Variants in RBBP4 observed in about 807,000 individuals in gnomAD.
The protein encoded by RBBP4 is histone-binding protein RBBP4.
A neutral mutation model predicts 57.2 loss-of-function variants in RBBP4; 3 were observed. The observed-to-expected ratio is 0.05, with a 90% CI of 0.02 to 0.14. RBBP4 has a LOEUF of 0.14. RBBP4 is among the 10% of genes least tolerant of loss of function. The pLI, the probability that RBBP4 is intolerant of heterozygous loss-of-function variation, is 1.00. For missense variants in RBBP4, 107 were observed against 520.6 expected (o/e 0.21, Z 7.73); for synonymous variants, 151 against 171.5 (o/e 0.88, Z 0.93).
In RBBP4 at chr1:32,653,637, G is replaced by GTTTTTTTTTT. The variant is rs1053666893; in HGVS notation, c.164+1589_164+1598dup. On this transcript the variant is annotated intron_variant, in intron 2 of 11. Coordinates refer to ENST00000373493, the MANE Select transcript of RBBP4 (RefSeq NM_005610.3). ...TGCTTTGTGTGTTTTTTGTTTTCTG[G>GTTTTTTTTTT]TTTTTTTTTTTTTTTTTTTTTTGTT... 1.4e-4 allele frequency among the ~76,000 whole-genome samples: 3 copies of GTTTTTTTTTT among 20,776 alleles called. 1 individual carries two copies. The highest frequency in any genetic ancestry group is 5.2e-4 in the Non-Finnish European group (3 of 5,732). The allele number at this position is 20,776 out of a possible 152,430, so 13.6% of individuals were successfully genotyped here.
rs2148547282 is a variant in RBBP4, at chr1:32,686,060, T to C, written c.*6355T>C. ...CTAGTCACATAGGACTCATTTGAAA[T>C]ATGACTAGTCTCAATTGAGATGTAA... On this transcript the variant is annotated 3_prime_UTR_variant, in exon 12 of 12. Coordinates refer to ENST00000373493, the MANE Select transcript of RBBP4 (RefSeq NM_005610.3). 6.6e-6 allele frequency: 1 copy of C among 152,298 alleles called. No homozygotes were observed. Among genetic ancestry groups the C allele is most frequent in the Admixed American group, 6.5e-5 (1 of 15,288 alleles). 9.4% of individuals were successfully genotyped at this position (152,298 alleles called of 1,614,324 possible).
chr1:32,676,343 G>A (rs1335924763), intron 11 of RBBP4, among the ~76,000 whole-genome samples: 1 of 152,066 alleles, frequency 6.6e-6, no homozygotes, highest in Non-Finnish European at 1.5e-5. Flanking sequence ...GGTGGCTCAC[G>A]CCTGTAATTC....
At chr1:32,670,400 A>G (rs1273772306) in intron 8 of RBBP4, among the ~76,000 whole-genome samples, 1 of 152,088 alleles carries the variant, frequency 6.6e-6, no homozygotes, top group African/African-American at 2.4e-5. Context: ...CATTATTGGA[A>G]CGCTAAGCAT....
Position 32,680,181 on chromosome 1 carries a change from A to T in RBBP4, c.*476A>T, listed in dbSNP as rs1004036008. On this transcript the variant is annotated 3_prime_UTR_variant, in exon 12 of 12. Coordinates refer to ENST00000373493, the MANE Select transcript of RBBP4 (RefSeq NM_005610.3). ...CGAAAATCTTGACACCTGACTTTCCAGGATGCACATTTTCATACGTAGACC... is the reference window on the plus strand; with the variant it reads ...CGAAAATCTTGACACCTGACTTTCCTGGATGCACATTTTCATACGTAGACC... The T allele has an allele frequency of 1.8e-6, 2 of 1,093,650 alleles. No individual in the cohort carries two copies. The allele number at this position is 1,093,650 out of a possible 1,614,324, so 67.7% of individuals were successfully genotyped here.
In RBBP4 at chr1:32,682,925, G is replaced by T. The variant is rs992634403; in HGVS notation, c.*3220G>T. ...ATCAGAATATACTGGTAAAACATTG[G>T]GGGAGGGATCCTGAGTAGGTGATTG... On this transcript the variant is annotated 3_prime_UTR_variant, in exon 12 of 12. Transcript: ENST00000373493. 1 of 152,062 alleles carries T rather than the reference G, an allele frequency of 6.6e-6. No individual in the cohort carries two copies. Among genetic ancestry groups the T allele is most frequent in the Non-Finnish European group, 1.5e-5 (1 of 68,038 alleles). 9.4% of individuals were successfully genotyped at this position (152,062 alleles called of 1,614,324 possible).
intron 3 of RBBP4, 28 bp downstream of exon 3, chr1:32,657,600 A>G: frequency 6.2e-7 from 1 of 1,609,918 alleles, no homozygotes. Context: ...GAAAGAAGTA[A>G]AGATGTGTGG....
In RBBP4 at chr1:32,680,330, G is replaced by C. The variant is rs1263234984; in HGVS notation, c.*625G>C. On this transcript the variant is annotated 3_prime_UTR_variant, in exon 12 of 12. Transcript: ENST00000373493. ...TTCATGTTGTTTATTTCCTGTCTGT[G>C]AAATGGTGTTTTTTTTTTTGTTGTT... is the stretch of plus-strand genomic sequence containing the variant. 3.1e-6 allele frequency: 4 copies of C among 1,301,206 alleles called. No homozygotes were observed. In the African/African-American group the frequency reaches 6.7e-5, roughly 22 times the overall value. The allele number at this position is 1,301,206 out of a possible 1,614,324, so 80.6% of individuals were successfully genotyped here.
intron 11 of RBBP4, among the ~76,000 whole-genome samples, chr1:32,676,986 C>A (rs1649130586): frequency 6.6e-6 from 1 of 152,156 alleles, no homozygotes; most frequent in Non-Finnish European, 1.5e-5. Flanking sequence ...TAGATCCCTG[C>A]AAGGCCATCA....
Position 32,669,574 on chromosome 1 carries a change from C to T in RBBP4, c.966+11C>T. 1 of 1,588,724 alleles carries T rather than the reference C, an allele frequency of 6.3e-7. No homozygotes were observed. Among genetic ancestry groups the T allele is most frequent in the Non-Finnish European group, 8.5e-7 (1 of 1,173,072 alleles). On this transcript the variant is annotated intron_variant, in intron 8 of 11. Coordinates refer to ENST00000373493, the MANE Select transcript of RBBP4 (RefSeq NM_005610.3). The surrounding 1 kb of genome is among the most constrained non-coding windows in gnomAD (Gnocchi z 4.9). ...GATGAAATATTCCAGGTAAGAGAAA[C>T]TAATGCTACTATTTTGTTTGTTTTA...
At chr1:32,658,002 G>A (rs1648218417) in intron 3 of RBBP4, among the ~76,000 whole-genome samples, 1 of 151,896 alleles carries the variant, frequency 6.6e-6, no homozygotes, top group African/African-American at 2.4e-5. Flanking sequence ...ACAGGCGCCC[G>A]CCACCACGCC....
Position 32,680,835 on chromosome 1 carries a change from C to T in RBBP4, c.*1130C>T, listed in dbSNP as rs1329627697. 3 of 367,050 alleles carry T rather than the reference C, an allele frequency of 8.2e-6. No individual in the cohort carries two copies. Among genetic ancestry groups the T allele is most frequent in the Non-Finnish European group, 9.8e-6 (2 of 203,446 alleles). 22.7% of individuals were successfully genotyped at this position (367,050 alleles called of 1,614,324 possible). A position where few individuals can be genotyped will look rare whatever the true frequency, so the allele number is the denominator to read the frequency against. The stretch of plus-strand genomic sequence containing the variant: ...ACTCCTTCCCAGGGAAAGTGAAAGA[C>T]ATAAAACACTGAATCAGAGGTGGCA... On this transcript the variant is annotated 3_prime_UTR_variant, in exon 12 of 12. Transcript: ENST00000373493.
At chr1:32,653,831 T>G (rs1464470215) in intron 2 of RBBP4, among the ~76,000 whole-genome samples, 1 of 151,738 alleles carries the variant, frequency 6.6e-6, no homozygotes, top group East Asian at 1.9e-4. Context: ...GCTAATTTTT[T>G]GTATTTTTAG....
At chr1:32,670,722 G>A (rs747000809) in intron 8 of RBBP4, among the ~76,000 whole-genome samples, 87 of 152,326 alleles carry the variant, frequency 5.7e-4, no homozygotes, top group Non-Finnish European at 1.1e-3. Context: ...ACAGGCGTAA[G>A]CCACCACGCC....
intron 11 of RBBP4, among the ~76,000 whole-genome samples, chr1:32,677,470 T>A (rs200934379): frequency 5.4e-5 from 8 of 147,272 alleles, no homozygotes; most frequent in African/African-American, 9.9e-5. Flanking sequence ...ATCCTTTATT[T>A]AAAAAAAAAA....
intron 2 of RBBP4, among the ~76,000 whole-genome samples, chr1:32,653,637 G>GTTTTTGT (rs1647992545): frequency 4.8e-5 from 1 of 20,776 alleles, no homozygotes; most frequent in Non-Finnish European, 1.7e-4. Flanking sequence ...TTGTTTTCTG[G>GTTTTTGT]TTTTTTTTTT....
chr1:32,660,412 T>C (rs1648349488), intron 3 of RBBP4, among the ~76,000 whole-genome samples: 1 of 16,200 alleles, frequency 6.2e-5, no homozygotes, highest in Non-Finnish European at 1.4e-4. Context: ...CCTGGATTTT[T>C]ATTTTATTTA....
intron 11 of RBBP4, 151 bp from the exon 12 acceptor site, chr1:32,679,489 T>G (rs1649284123): frequency 1.7e-6 from 1 of 578,970 alleles, no homozygotes; most frequent in Non-Finnish European, 2.8e-6. Context: ...CCGGATACTT[T>G]CATCCAAGAG....
intron 2 of RBBP4, among the ~76,000 whole-genome samples, chr1:32,652,821 C>A (rs113655228): frequency 4.6e-5 from 7 of 152,342 alleles, no homozygotes; most frequent in African/African-American, 1.7e-4. Context: ...GCCGGGATTA[C>A]AGGCGTGAGC....
chr1:32,674,137 G>A (rs554886784), intron 11 of RBBP4, among the ~76,000 whole-genome samples: 344 of 152,250 alleles, frequency 2.3e-3, no homozygotes, highest in Non-Finnish European at 4.3e-3. Context: ...CCGGAGATAG[G>A]TGGTGGTTAT....
Sources: allele counts gnomAD v4.1 joint callset (sites outside exome capture counted in the v4.1 genomes callset), GRCh38; gene constraint gnomAD v4.1.1; non-coding constraint Gnocchi (gnomAD v3.1); transcripts MANE v1.5; gene names NCBI Gene and HGNC (gene_info 2026-07-23, HGNC 2026-07-21).